The following TMEM45A variants were observed in gnomAD, a reference collection of about 807,000 sequenced individuals.
The protein encoded by TMEM45A is DNA polymerase-transactivated protein 4.
TMEM45A carries 25 observed loss-of-function variants against 32.0 expected under a neutral mutation model. The observed-to-expected ratio is 0.78, with a 90% confidence interval of 0.57 to 1.09. TMEM45A has a LOEUF of 1.09. Ranked by LOEUF, TMEM45A falls within the 50% of genes least tolerant of loss-of-function variation. TMEM45A has a pLI of 0.00. For missense variants in TMEM45A, 302 were observed against 325.0 expected, an observed-to-expected ratio of 0.93 and a Z score of 0.54; for synonymous variants, 122 against 114.8, an observed-to-expected ratio of 1.06 and a Z score of -0.40.
intron 5 of TMEM45A, among the ~76,000 whole-genome samples, chr3:100,574,992 C>T (rs1407240886): frequency 1.3e-5 from 2 of 152,074 alleles, no homozygotes; most frequent in Non-Finnish European, 2.9e-5. Flanking sequence ...TCTCAGAGCA[C>T]AAGTAAAGCC....
At chr3:100,503,194 C>A (rs62276527) in intron 1 of TMEM45A, among the ~76,000 whole-genome samples, 4 of 151,974 alleles carry the variant, frequency 2.6e-5, no homozygotes, top group African/African-American at 9.7e-5. Flanking sequence ...CAGCCTCCGC[C>A]TACTGGGTTC....
chr3:100,509,389 A>G (rs558643630), intron 1 of TMEM45A, among the ~76,000 whole-genome samples: 1 of 152,352 alleles, frequency 6.6e-6, no homozygotes, highest in South Asian at 2.1e-4. Context: ...TTCTCAAAAA[A>G]ATAAATGCAG....
intron 1 of TMEM45A, among the ~76,000 whole-genome samples, chr3:100,501,736 C>T (rs576191126): frequency 2.6e-5 from 4 of 152,090 alleles, no homozygotes; most frequent in Non-Finnish European, 5.9e-5. Context: ...CCCTCAGTGC[C>T]GCAGTTATTT....
At position 100,492,755 on chromosome 3, in the gene TMEM45A, T is replaced by TCCCCCC. The variant is rs755848570; in HGVS notation, c.-175_-174insCCCCCC. ...CGACTAGGGACCCAAGTTTAAAAAT[T>TCCCCCC]CCTCCCCCCACCCAATGCGAGACGT... On this transcript the variant is annotated 5_prime_UTR_variant, in exon 1 of 6. Coordinates refer to ENST00000323523, the MANE Select transcript of TMEM45A (RefSeq NM_018004.3). 214 of 143,536 alleles carry TCCCCCC rather than the reference T, an allele frequency of 1.5e-3. No homozygotes were observed. The highest frequency in any genetic ancestry group is 2.0e-3 in the African/African-American group (73 of 36,914). 8.9% of individuals were successfully genotyped at this position (143,536 alleles called of 1,614,324 possible).
At position 100,555,271 on chromosome 3, in the gene TMEM45A, G is replaced by T. The variant is rs1405208399; in HGVS notation, c.60G>T (p.Trp20Cys). 1 of 1,613,554 alleles carries T rather than the reference G, an allele frequency of 6.2e-7. No homozygotes were observed. The highest frequency in any genetic ancestry group is 8.5e-7 in the Non-Finnish European group (1 of 1,179,674). Reference protein sequence around the residue: ...PGTFFFIIGLWWCTKSILKYI... With the variant: ...PGTFFFIIGLCWCTKSILKYI... ...CCTTCTTTTTTATTATTGGTCTTTG[G>T]TGGTGTACAAAGAGTATTCTGAAGT... The change falls in exon 2 of 6, where the codon TGG (tryptophan) becomes TGT (cysteine). Residue 20 changes from tryptophan to cysteine, a missense_variant. Trp to Cys is a radical substitution (Grantham distance 215). Transcript: ENST00000323523.
intron 1 of TMEM45A, among the ~76,000 whole-genome samples, chr3:100,520,557 G>C (rs183562694): frequency 6.6e-6 from 1 of 152,034 alleles, no homozygotes; most frequent in East Asian, 1.9e-4. Context: ...TTATACATTG[G>C]GTACCTACCT....
rs535746077 is a variant in TMEM45A at position 100,524,994 on chromosome 3, G to C, written c.-3-30215G>C. Among the ~76,000 whole-genome samples the C allele has an allele frequency of 5.3e-5, 8 of 152,224 alleles. No homozygotes were observed. The East Asian group carries it at 1.5e-3, about 29-fold the overall frequency. Reference sequence around the variant, plus strand: ...CGCTGTGGCCAGGAGTTGGAGACAAGTCTGGGCAACATAGTGAGACCTTGT... The same window carrying C: ...CGCTGTGGCCAGGAGTTGGAGACAACTCTGGGCAACATAGTGAGACCTTGT... On this transcript the variant is annotated intron_variant, in intron 1 of 5. Transcript: ENST00000323523.
intron 1 of TMEM45A, among the ~76,000 whole-genome samples, chr3:100,514,570 G>A (rs1461748012): frequency 6.6e-6 from 1 of 151,806 alleles, no homozygotes; most frequent in Admixed American, 6.6e-5. Flanking sequence ...GCATGGGCAA[G>A]GACTTCATGT....
At chr3:100,544,205 A>T (rs1705941179) in intron 1 of TMEM45A, among the ~76,000 whole-genome samples, 1 of 152,176 alleles carries the variant, frequency 6.6e-6, no homozygotes, top group Non-Finnish European at 1.5e-5. Context: ...GTCTTCAGGA[A>T]TAAGCCTCTT....
intron 1 of TMEM45A, among the ~76,000 whole-genome samples, chr3:100,537,615 A>G (rs1705767072): frequency 1.3e-5 from 2 of 152,198 alleles, no homozygotes; most frequent in Admixed American, 6.5e-5. Context: ...AGAAGACAGA[A>G]AGGAGAGAGA....
intron 1 of TMEM45A, among the ~76,000 whole-genome samples, chr3:100,493,393 A>G (rs1386405266): frequency 1.3e-5 from 2 of 151,918 alleles, no homozygotes; most frequent in Non-Finnish European, 2.9e-5. Flanking sequence ...TGTCTAATAT[A>G]AATTACGTAA....
intron 1 of TMEM45A, among the ~76,000 whole-genome samples, chr3:100,530,063 A>G (rs1375670240): frequency 6.6e-6 from 1 of 152,186 alleles, no homozygotes; most frequent in Non-Finnish European, 1.5e-5. Flanking sequence ...TCAAGTATAT[A>G]TAAAAATAGA....
In TMEM45A at chr3:100,552,386, G is replaced by A. The variant is rs1706126626; in HGVS notation, c.-3-2823G>A. Among the ~76,000 whole-genome samples, 3 of 152,146 alleles carry A rather than the reference G, an allele frequency of 2.0e-5. No individual in the cohort carries two copies. The South Asian group carries it at 6.2e-4, about 32-fold the overall frequency. Reference sequence around the variant, plus strand: ...ATGTGAGGACTGGGTGCCTTGAAAGGGTGTAATAGGGACCCTCCCCTATTT... The same window carrying A: ...ATGTGAGGACTGGGTGCCTTGAAAGAGTGTAATAGGGACCCTCCCCTATTT... On this transcript the variant is annotated intron_variant, in intron 1 of 5. Transcript: ENST00000323523.
rs370981745 is a variant in TMEM45A, at chr3:100,501,480, G to A, written c.-4+8552G>A. The stretch of plus-strand genomic sequence containing the variant: ...CACAGGTGAGCTGGTGTCCTTCATT[G>A]CTGATGATGCTTAGAACTGGCCTCA... On this transcript the variant is annotated intron_variant, in intron 1 of 5. Transcript: ENST00000323523. 1.5e-3 allele frequency among the ~76,000 whole-genome samples: 225 copies of A among 152,310 alleles called. 10 individuals are homozygous for A. The South Asian group carries it at 0.046, about 31-fold the overall frequency.
chr3:100,501,357 A>G (rs1483431767), intron 1 of TMEM45A, among the ~76,000 whole-genome samples: 2 of 152,132 alleles, frequency 1.3e-5, no homozygotes, highest in African/African-American at 4.8e-5. Flanking sequence ...AGTGAGGCCA[A>G]GGCATCTGTG....
chr3:100,553,154 A>G (rs975118259), intron 1 of TMEM45A, among the ~76,000 whole-genome samples: 1 of 152,184 alleles, frequency 6.6e-6, no homozygotes, highest in Non-Finnish European at 1.5e-5. Flanking sequence ...TGATGTAGGT[A>G]CTGTTATTTG....
At chr3:100,556,685 T>C in intron 2 of TMEM45A, 75 bp from the exon 3 acceptor site, 1 of 1,338,036 alleles carries the variant, frequency 7.5e-7, no homozygotes, top group Non-Finnish European at 1.1e-6. Context: ...GAATAAGCAA[T>C]GGACTAGTCC....
chr3:100,519,736 T>C (rs1401089754), intron 1 of TMEM45A: 2 of 967,668 alleles, frequency 2.1e-6, no homozygotes, highest in Non-Finnish European at 3.1e-6. Context: ...AGTAACTTAT[T>C]GTGGGTTGTG....
intron 1 of TMEM45A, among the ~76,000 whole-genome samples, chr3:100,498,367 G>T (rs1224974223): frequency 6.6e-6 from 1 of 152,124 alleles, no homozygotes; most frequent in African/African-American, 2.4e-5. Context: ...ATGTTGGTAG[G>T]CTTCATCTAA....
Sources: gnomAD v4.1 joint callset for allele counts (sites outside exome capture counted in the v4.1 genomes callset) on GRCh38, gnomAD v4.1.1 for gene constraint, MANE v1.5 for transcripts, NCBI Gene and HGNC (gene_info 2026-07-23, HGNC 2026-07-21) for gene names.